The following FAM98B variants were observed in gnomAD, a reference collection of about 807,000 sequenced individuals.
The protein encoded by FAM98B is tRNA-splicing ligase complex subunit FAM98B.
In FAM98B, 32 loss-of-function variants were observed where a neutral mutation model predicts 43.9. The observed-to-expected ratio is 0.73, with a 90% CI of 0.55 to 0.98. The LOEUF (loss-of-function observed/expected upper bound fraction) is 0.98. FAM98B is among the 50% of genes least tolerant of loss of function. The probability of loss-of-function intolerance (pLI) is 0.00; values close to 1 mark genes in which losing one functional copy is unlikely to be tolerated. For synonymous variants in FAM98B, 190 were observed against 174.0 expected (o/e 1.09, Z -0.72); for missense variants, 514 against 522.9 (o/e 0.98, Z 0.17).
At position 38,474,185 on chromosome 15, in the gene FAM98B, C is replaced by A. The variant is rs747825087; in HGVS notation, c.616C>A (p.Gln206Lys). 1 of 1,610,484 alleles carries A rather than the reference C, an allele frequency of 6.2e-7. No homozygotes were observed. The highest frequency in any genetic ancestry group is 1.7e-4 in the Middle Eastern group (1 of 6,042). The change falls in exon 6 of 8, where the codon CAA (glutamine) becomes AAA (lysine). Residue 206 changes from glutamine to lysine, a missense_variant. By Grantham distance (53) the Gln-to-Lys change is moderately conservative. Transcript: ENST00000397609. Reference sequence around the variant, plus strand: ...TTTTTGTTTCCAAATTTTTTAGGAACAACTGGAAAGAATCAATGATGCTCT... The same window carrying A: ...TTTTTGTTTCCAAATTTTTTAGGAAAAACTGGAAAGAATCAATGATGCTCT... ...KMDLNSEQAE[Q>K]LERINDALSC...
rs1889992887 is a variant in FAM98B at position 38,464,165 on chromosome 15, A to G, written c.205A>G (p.Ile69Val). 3 of 1,612,946 alleles carry G rather than the reference A, an allele frequency of 1.9e-6. No individual in the cohort carries two copies. The highest frequency in any genetic ancestry group is 1.7e-4 in the Middle Eastern group (1 of 6,000). The change falls in exon 2 of 8, where the codon ATC becomes GTC. Residue 69 changes from isoleucine to valine, a missense_variant. Ile to Val is a conservative substitution (Grantham distance 29, BLOSUM62 3). Around this residue, in one of 2 missense-constraint regions of FAM98B, gnomAD observed 469 missense variants for 451.8 expected, o/e 1.04. Transcript: ENST00000397609. ...ATCATTATGCAACTTGGAAGAAAGT[A>G]TCACGTCTGCTGGTATTGCCATTAT... ...IKSLCNLEES[I>V]TSAGRDDLES... is the part of the protein sequence containing the mutation.
rs530634379 is a variant in FAM98B at position 38,487,349 on chromosome 15, A to G, written c.*2690A>G. On this transcript the variant is annotated 3_prime_UTR_variant, in exon 8 of 8. Coordinates refer to ENST00000397609, the MANE Select transcript of FAM98B (RefSeq NM_173611.4). ...ACCTAAAAAAAATTTGTGACCAGAA[A>G]AATGTCCTGAGCAGTGATACTATCT... 1 of 152,238 alleles carries G rather than the reference A, an allele frequency of 6.6e-6. No homozygotes were observed. Among genetic ancestry groups the G allele is most frequent in the Admixed American group, 6.5e-5 (1 of 15,290 alleles). 9.4% of individuals were successfully genotyped at this position (152,238 alleles called of 1,614,324 possible). A position where few individuals can be genotyped will look rare whatever the true frequency, so the allele number is the denominator to read the frequency against.
At chr15:38,469,476 T>A (rs1312284827) in intron 3 of FAM98B, among the ~76,000 whole-genome samples, 1 of 152,198 alleles carries the variant, frequency 6.6e-6, no homozygotes, top group African/African-American at 2.4e-5. Flanking sequence ...TTACACATTC[T>A]TGTCTGTTCT....
Position 38,458,587 on chromosome 15 carries a change from A to G in FAM98B, c.71+4355A>G, listed in dbSNP as rs571197107. On this transcript the variant is annotated intron_variant, in intron 1 of 7. Coordinates refer to ENST00000397609, the MANE Select transcript of FAM98B (RefSeq NM_173611.4). The stretch of plus-strand genomic sequence containing the variant: ...GGTATTGTTGGTCTGGCATTTGCCT[A>G]CTTGGCATCTAAGCTGTCCTAAAGC... Among the ~76,000 whole-genome samples, 337 of 152,268 alleles carry G rather than the reference A, an allele frequency of 2.2e-3. 4 individuals are homozygous for G. Among genetic ancestry groups the G allele is most frequent in the Admixed American group, 4.8e-3 (74 of 15,298 alleles).
At chr15:38,458,232 G>T (rs1194688122) in intron 1 of FAM98B, among the ~76,000 whole-genome samples, 2 of 152,160 alleles carry the variant, frequency 1.3e-5, no homozygotes, top group Non-Finnish European at 2.9e-5. Context: ...TCCCAGAAAT[G>T]TCTTATTTTT....
rs1411434937 is a variant in FAM98B at position 38,485,633 on chromosome 15, A to T, written c.*974A>T. The stretch of plus-strand genomic sequence containing the variant: ...GGAGCAGTCAAAGTCTTAGCTATCA[A>T]GAGTTGTGAATTTGAATCATGGCAC... On this transcript the variant is annotated 3_prime_UTR_variant, in exon 8 of 8. Transcript: ENST00000397609. 6.6e-6 allele frequency: 1 copy of T among 152,208 alleles called. No homozygotes were observed. Among genetic ancestry groups the T allele is most frequent in the African/African-American group, 2.4e-5 (1 of 41,434 alleles). 9.4% of individuals were successfully genotyped at this position (152,208 alleles called of 1,614,324 possible). A position where few individuals can be genotyped will look rare whatever the true frequency, so the allele number is the denominator to read the frequency against.
At chr15:38,465,727 A>G (rs188959081) in intron 3 of FAM98B, among the ~76,000 whole-genome samples, 2 of 152,124 alleles carry the variant, frequency 1.3e-5, no homozygotes, top group Admixed American at 6.5e-5. Context: ...CCAAAGTCCT[A>G]TTTAATCTAA....
At chr15:38,481,623 G>C in intron 7 of FAM98B, 164 bp downstream of exon 7, 1 of 1,552,474 alleles carries the variant, frequency 6.4e-7, no homozygotes, top group Non-Finnish European at 8.7e-7. Context: ...GTGTATGTGT[G>C]TATGTTCACT....
Position 38,484,652 on chromosome 15 carries a change from G to T in FAM98B, c.1295G>T (p.Arg432Ile). The change falls in exon 8 of 8, where the codon AGA becomes ATA. Residue 432 changes from arginine (R) to isoleucine (I), a missense_variant. Coordinates refer to ENST00000397609, the MANE Select transcript of FAM98B (RefSeq NM_173611.4). ...GGGGGGGGYRRY is the reference protein window; with the variant it reads ...GGGGGGGGYRIY ...GGTGGTGGAGGAGGTGGATATAGAA[G>T]ATACTAAAAACTATAAAAATTAGAT... 6.6e-7 allele frequency: 1 copy of T among 1,514,832 alleles called. No individual in the cohort carries two copies. The highest frequency in any genetic ancestry group is 8.8e-7 in the Non-Finnish European group (1 of 1,137,250). 93.8% of individuals were successfully genotyped at this position (1,514,832 alleles called of 1,614,324 possible). A position where few individuals can be genotyped will look rare whatever the true frequency, so the allele number is the denominator to read the frequency against.
Position 38,460,433 on chromosome 15 carries a change from A to G in FAM98B, c.72-3599A>G, listed in dbSNP as rs149129798. 1.5e-3 allele frequency among the ~76,000 whole-genome samples: 230 copies of G among 152,284 alleles called. 6 individuals carry two copies. In the East Asian group the frequency reaches 0.034, roughly 22 times the overall value. Reference sequence around the variant, plus strand: ...AGTTTTTTTTTTTAAATGAAAGTAAAAAAATAAGTACTATGCTGCTTAAGA... The same window carrying G: ...AGTTTTTTTTTTTAAATGAAAGTAAGAAAATAAGTACTATGCTGCTTAAGA... On this transcript the variant is annotated intron_variant, in intron 1 of 7. Coordinates refer to ENST00000397609, the MANE Select transcript of FAM98B (RefSeq NM_173611.4).
intron 1 of FAM98B, among the ~76,000 whole-genome samples, chr15:38,457,651 A>G (rs1403384277): frequency 1.3e-5 from 2 of 152,252 alleles, no homozygotes; most frequent in East Asian, 3.9e-4. Flanking sequence ...GGTGTGAGAT[A>G]GGGTATACAT....
intron 4 of FAM98B, among the ~76,000 whole-genome samples, chr15:38,472,263 C>T (rs910822824): frequency 6.6e-6 from 1 of 152,056 alleles, no homozygotes; most frequent in African/African-American, 2.4e-5. Flanking sequence ...ACAACTCATA[C>T]TTTTTATAAT....
chr15:38,470,593 C>A, intron 4 of FAM98B, 188 bp downstream of exon 4: 1 of 436,194 alleles, frequency 2.3e-6, no homozygotes, highest in Non-Finnish European at 4.0e-6. Flanking sequence ...AGCTGATATT[C>A]AGGAATCAAA....
rs1890399396 is a variant in FAM98B at position 38,487,656 on chromosome 15, A to G, written c.*2997A>G. ...GGGAAAATTGTGGCTATGTCTGATC[A>G]TTCTAAATAATCATGACCACAAATA... On this transcript the variant is annotated 3_prime_UTR_variant, in exon 8 of 8. Transcript: ENST00000397609. The G allele has an allele frequency of 6.6e-6, 1 of 152,110 alleles. No individual in the cohort carries two copies. Among genetic ancestry groups the G allele is most frequent in the African/African-American group, 2.4e-5 (1 of 41,448 alleles). The allele number at this position is 152,110 out of a possible 1,614,324, so 9.4% of individuals were successfully genotyped here. A position where few individuals can be genotyped will look rare whatever the true frequency, so the allele number is the denominator to read the frequency against.
rs1352001452 is a variant in FAM98B at position 38,484,340 on chromosome 15, G to T, written c.983G>T (p.Arg328Ile). The T allele has an allele frequency of 6.5e-7, 1 of 1,540,736 alleles. No individual in the cohort carries two copies. The highest frequency in any genetic ancestry group is 2.0e-5 in the Admixed American group (1 of 50,144). ...PPPEMPPWQK[R>I]QEGGGGRGGW... is the part of the protein sequence containing the mutation. ...CCAGAAATGCCCCCTTGGCAAAAGA[G>T]ACAAGAAGGCGGCGGTGGAAGGGGT... The change falls in exon 8 of 8, where the codon AGA becomes ATA. Residue 328 changes from arginine (R) to isoleucine (I), a missense_variant. By Grantham distance (97) the Arg-to-Ile change is moderately conservative. Coordinates refer to ENST00000397609, the MANE Select transcript of FAM98B (RefSeq NM_173611.4).
In FAM98B at chr15:38,473,508, A is replaced by C; in HGVS notation, c.535A>C (p.Lys179Gln). ...AATCTTTTATATTTACTTTTAGGTG[A>C]AAGATATTCTCTCAAAGGTCCAGAA... is the stretch of plus-strand genomic sequence containing the variant. The part of the protein sequence containing the change: ...HMLNQVESKV[K>Q]DILSKVQKNH... Residue 179 changes from lysine (K) to glutamine (Q), a missense_variant, in exon 5 of 8, where the codon AAA becomes CAA. Around this residue, in one of 2 missense-constraint regions of FAM98B, gnomAD observed 469 missense variants for 451.8 expected, o/e 1.04. Transcript: ENST00000397609. The C allele has an allele frequency of 6.3e-7, 1 of 1,599,158 alleles. No homozygotes were observed. The highest frequency in any genetic ancestry group is 1.1e-5 in the South Asian group (1 of 87,930).
chr15:38,464,855 C>G (rs1015114360), intron 2 of FAM98B, among the ~76,000 whole-genome samples: 11 of 152,142 alleles, frequency 7.2e-5, no homozygotes, highest in Non-Finnish European at 1.3e-4. Context: ...TCTCACCCCA[C>G]CCTCCCAAGT....
In FAM98B at chr15:38,478,473, A is replaced by T. The variant is rs145442111; in HGVS notation, c.730-2819A>T. Reference sequence around the variant, plus strand: ...ATTATATCTTTATCATTTTCTCCCTATTTTCGTGATAGAAAAATACGTCTG... The same window carrying T: ...ATTATATCTTTATCATTTTCTCCCTTTTTTCGTGATAGAAAAATACGTCTG... On this transcript the variant is annotated intron_variant, in intron 6 of 7. Transcript: ENST00000397609. 6.8e-3 allele frequency among the ~76,000 whole-genome samples: 1,029 copies of T among 152,092 alleles called. 16 individuals are homozygous for T. The highest frequency in any genetic ancestry group is 0.023 in the African/African-American group (971 of 41,502).
Position 38,464,054 on chromosome 15 carries a change from G to C in FAM98B, c.94G>C (p.Glu32Gln), listed in dbSNP as rs1330187681. ...TAGGTATAAAGGACCATTGTTAGAA[G>C]AGCAAGCCCTTACAAAGGCGGCAGA... The part of the protein sequence containing the change: ...ALGYKGPLLE[E>Q]QALTKAAEGG... Residue 32 changes from glutamate (E) to glutamine (Q), a missense_variant, in exon 2 of 8, where the codon GAG becomes CAG. By Grantham distance (29) the Glu-to-Gln change is conservative (BLOSUM62 2). Around this residue, in one of 2 missense-constraint regions of FAM98B, gnomAD observed 469 missense variants for 451.8 expected, o/e 1.04. Transcript: ENST00000397609. The C allele has an allele frequency of 1.2e-6, 2 of 1,612,478 alleles. No individual in the cohort carries two copies. The highest frequency in any genetic ancestry group is 1.3e-5 in the African/African-American group (1 of 74,872).
Sources: allele counts gnomAD v4.1 joint callset (sites outside exome capture counted in the v4.1 genomes callset), GRCh38; gene constraint gnomAD v4.1.1; regional missense constraint gnomAD v4.1.1; transcripts MANE v1.5; gene names NCBI Gene and HGNC (gene_info 2026-07-23, HGNC 2026-07-21).